The following YBEY variants were observed in gnomAD, a reference collection of about 807,000 sequenced individuals.
The protein encoded by YBEY is endoribonuclease YbeY.
In YBEY, 15 loss-of-function variants were observed where a neutral mutation model predicts 13.5. The ratio of observed to expected loss-of-function variants is 1.11; its 90% CI spans 0.75 to 1.72. The LOEUF is 1.72. YBEY is among the 40% of genes most tolerant of loss of function. YBEY has a pLI of 0.00. For synonymous variants in YBEY, 101 were observed against 83.1 expected (o/e 1.21, Z -1.17); for missense variants, 244 against 208.4 (o/e 1.17, Z -1.05).
chr21:46,287,941 G>A (rs2081529260), intron 2 of YBEY, among the ~76,000 whole-genome samples: 1 of 151,740 alleles, frequency 6.6e-6, no homozygotes, highest in Non-Finnish European at 1.5e-5. Context: ...GAACCCCAGA[G>A]ATGGAGGTTG....
chr21:46,299,556 CCA>C (rs2082058021), downstream of YBEY, among the ~76,000 whole-genome samples: 1 of 152,128 alleles, frequency 6.6e-6, no homozygotes. Context: ...CTGTGTGGTT[CCA>C]GATTCAGCTC....
At chr21:46,289,752 C>T (rs999425221) in intron 2 of YBEY, among the ~76,000 whole-genome samples, 17 of 152,130 alleles carry the variant, frequency 1.1e-4, no homozygotes. Context: ...CTGAGCCCCG[C>T]CTGGCAAAGG....
the YBEY span, among the ~76,000 whole-genome samples, chr21:46,303,487 A>C: frequency 6.6e-6 from 1 of 151,684 alleles, no homozygotes; most frequent in East Asian, 1.9e-4. Flanking sequence ...GAAACCAATA[A>C]GGGAGGCAGG....
the YBEY span, among the ~76,000 whole-genome samples, chr21:46,305,336 T>C: frequency 4.0e-5 from 6 of 148,470 alleles, no homozygotes; most frequent in Non-Finnish European, 9.0e-5. Context: ...TCTTTTTTTT[T>C]TTTTTTTTTT....
the YBEY span, among the ~76,000 whole-genome samples, chr21:46,303,120 T>C: frequency 0.61 from 92,938 of 151,716 alleles, 29,750 homozygotes; most frequent in Non-Finnish European, 0.71. Flanking sequence ...GCCAAGATCG[T>C]GCCACTGTAC....
At chr21:46,286,669 G>T in intron 1 of YBEY, 1 of 168,288 alleles carries the variant, frequency 5.9e-6, no homozygotes, top group Non-Finnish European at 1.2e-5. Flanking sequence ...CGCTCCGCCC[G>T]CCTGGAGTCC....
the YBEY span, among the ~76,000 whole-genome samples, chr21:46,303,988 T>C: frequency 3.5e-5 from 5 of 143,158 alleles, no homozygotes; most frequent in East Asian, 8.3e-4. Context: ...CCTGACCTCA[T>C]GATCCACCTG....
the YBEY span, among the ~76,000 whole-genome samples, chr21:46,305,324 A>T: frequency 4.0e-5 from 6 of 148,548 alleles, no homozygotes; most frequent in Non-Finnish European, 8.9e-5. Flanking sequence ...ATCACAAATT[A>T]ATCTTTTTTT....
chr21:46,306,832 C>T, the YBEY span, among the ~76,000 whole-genome samples: 26 of 152,000 alleles, frequency 1.7e-4, no homozygotes, highest in African/African-American at 6.3e-4. Context: ...AAGCAATCCT[C>T]CCACCTCGGC....
At chr21:46,304,835 T>C in the YBEY span, among the ~76,000 whole-genome samples, 1 of 152,184 alleles carries the variant, frequency 6.6e-6, no homozygotes. Context: ...CATCAGTAGA[T>C]AGATAAATGG....
At chr21:46,294,805 A>G (rs117958505) in intron 3 of YBEY, among the ~76,000 whole-genome samples, 1,652 of 145,840 alleles carry the variant, frequency 0.011, 14 homozygotes, top group Middle Eastern at 0.025. Flanking sequence ...GCCATGTATG[A>G]GTGAATCATA....
the YBEY span, among the ~76,000 whole-genome samples, chr21:46,312,499 A>C: frequency 6.6e-6 from 1 of 152,006 alleles, no homozygotes; most frequent in African/African-American, 2.4e-5. Flanking sequence ...TTGTGTTTTT[A>C]GTATAGACGG....
chr21:46,287,712 C>T (rs575769075), intron 2 of YBEY, among the ~76,000 whole-genome samples: 6 of 152,182 alleles, frequency 3.9e-5, no homozygotes, highest in South Asian at 2.1e-4. Flanking sequence ...AGGTGACAGC[C>T]GAGCGCGATG....
chr21:46,286,976 T>C lies in YBEY; in HGVS notation c.63T>C (p.Ser21=). 1 of 1,614,120 alleles carries C rather than the reference T, an allele frequency of 6.2e-7. No homozygotes were observed. The highest frequency in any genetic ancestry group is 8.5e-7 in the Non-Finnish European group (1 of 1,180,020). ...VIPIRRAPLR[S]KIEIVRRILG... ...CCATCAGGAGAGCGCCACTTCGCAG[T>C]AAGATCGAGATTGTAAGGAGGATTT... Residue 21 remains serine (S), a synonymous_variant, in exon 2 of 5, where the codon AGT becomes AGC. Coordinates refer to ENST00000397701, the MANE Select transcript of YBEY (RefSeq NM_001314025.2).
chr21:46,291,575 T>C (rs1434208590), intron 3 of YBEY, 113 bp downstream of exon 3: 1 of 1,523,942 alleles, frequency 6.6e-7, no homozygotes, highest in African/African-American at 1.4e-5. Context: ...TAAGGGCTAC[T>C]GGGGGAAGAA....
downstream of YBEY, chr21:46,302,232 G>A: frequency 1.4e-6 from 2 of 1,432,656 alleles, no homozygotes; most frequent in Non-Finnish European, 1.8e-6. Flanking sequence ...TCCTAACTGG[G>A]GCTGGATCCC....
downstream of YBEY, chr21:46,300,202 C>T: frequency 6.5e-6 from 1 of 152,678 alleles, no homozygotes; most frequent in Non-Finnish European, 1.5e-5. Context: ...GAGGCCGAGG[C>T]AGGTGGATCA....
At chr21:46,297,849 G>C, downstream of YBEY, 2 of 1,105,788 alleles carry the variant, frequency 1.8e-6, no homozygotes, top group Non-Finnish European at 1.1e-6. Flanking sequence ...GCCCCCGCCC[G>C]GGAGCACCGC....
At chr21:46,301,363 T>C (rs180951536), downstream of YBEY, 1 of 541,936 alleles carries the variant, frequency 1.8e-6, no homozygotes, top group East Asian at 1.5e-4. Flanking sequence ...CCCAGGCTGG[T>C]CTCGAATTCC....
Sources: allele counts gnomAD v4.1 joint callset (sites outside exome capture counted in the v4.1 genomes callset), GRCh38; gene constraint gnomAD v4.1.1; transcripts MANE v1.5; gene names NCBI Gene and HGNC (gene_info 2026-07-23, HGNC 2026-07-21).